The following CAMTA1 variants were observed in gnomAD, a reference collection of about 807,000 sequenced individuals.
The protein encoded by CAMTA1 is calmodulin-binding transcription activator 1.
CAMTA1 carries 27 observed loss-of-function variants against 170.9 expected under a neutral mutation model. The ratio of observed to expected loss-of-function variants is 0.16; its 90% CI spans 0.12 to 0.22. The LOEUF (loss-of-function observed/expected upper bound fraction) is 0.22, where lower values mean the gene tolerates loss of function less well. Ranked by LOEUF, CAMTA1 falls within the 10% of genes least tolerant of loss-of-function variation. The pLI, the probability that CAMTA1 is intolerant of heterozygous loss-of-function variation, is 1.00. For missense variants in CAMTA1, 1,619 were observed against 2,217.2 expected, an observed-to-expected ratio of 0.73 and a Z score of 5.42; for synonymous variants, 833 against 891.5, an observed-to-expected ratio of 0.93 and a Z score of 1.17.
At chr1:6,849,041 CT>C (rs1659400043) in intron 3 of CAMTA1, among the ~76,000 whole-genome samples, 2 of 152,092 alleles carry the variant, frequency 1.3e-5, no homozygotes, top group South Asian at 4.1e-4. Flanking sequence ...TCTTTGAGTT[CT>C]TTTGGGAGGC....
intron 4 of CAMTA1, among the ~76,000 whole-genome samples, chr1:7,176,400 C>A (rs1650837097): frequency 6.6e-6 from 1 of 152,158 alleles, no homozygotes; most frequent in South Asian, 2.1e-4. Context: ...TAACTCCTTC[C>A]ACTTTGGTGT....
intron 3 of CAMTA1, among the ~76,000 whole-genome samples, chr1:7,017,811 G>C (rs1349264673): frequency 6.6e-6 from 1 of 152,136 alleles, no homozygotes; most frequent in Non-Finnish European, 1.5e-5. Flanking sequence ...TCTCATACAC[G>C]GTTCACGTTG....
At chr1:7,307,094 T>C (rs1486288977) in intron 5 of CAMTA1, among the ~76,000 whole-genome samples, 1 of 151,956 alleles carries the variant, frequency 6.6e-6, no homozygotes, top group Non-Finnish European at 1.5e-5. Flanking sequence ...CATATATCTC[T>C]CCATTTATTT....
At chr1:6,958,118 C>T (rs998415050) in intron 3 of CAMTA1, among the ~76,000 whole-genome samples, 2 of 152,164 alleles carry the variant, frequency 1.3e-5, no homozygotes, top group African/African-American at 4.8e-5. Flanking sequence ...GTGGGAGTCT[C>T]CCTGAATGAA....
chr1:6,901,518 CCTTTAAAAA>C (rs957410646), intron 3 of CAMTA1, among the ~76,000 whole-genome samples: 10 of 151,928 alleles, frequency 6.6e-5, no homozygotes, highest in Non-Finnish European at 1.3e-4. Context: ...AACTTTAAAA[CCTTTAAAAA>C]CTTTAAAACA....
At chr1:7,185,268 C>A (rs1208586237) in intron 4 of CAMTA1, among the ~76,000 whole-genome samples, 1 of 152,122 alleles carries the variant, frequency 6.6e-6, no homozygotes, top group African/African-American at 2.4e-5. Context: ...GTAAACCTAC[C>A]ACCCTGATTT....
At chr1:6,975,495 C>T (rs1281041498) in intron 3 of CAMTA1, among the ~76,000 whole-genome samples, 3 of 152,046 alleles carry the variant, frequency 2.0e-5, no homozygotes, top group African/African-American at 4.8e-5. Flanking sequence ...CAAGAATGAA[C>T]GAATGCTACG....
At chr1:7,374,949 G>A (rs949990770) in intron 5 of CAMTA1, among the ~76,000 whole-genome samples, 19 of 152,170 alleles carry the variant, frequency 1.2e-4, no homozygotes, top group African/African-American at 3.1e-4. Flanking sequence ...AATGCTTCTC[G>A]CTTTCAATGG....
chr1:7,276,303 ATTTT>A (rs1180773965), intron 5 of CAMTA1, among the ~76,000 whole-genome samples: 16 of 24,224 alleles, frequency 6.6e-4, no homozygotes, highest in East Asian at 1.5e-3. Context: ...ATATATATAT[ATTTT>A]TTTTTTTTTT....
rs1391969502 is a variant in CAMTA1, at chr1:7,249,328, A to C, written c.303-163A>C. Among the ~76,000 whole-genome samples, 1 of 152,248 alleles carries C rather than the reference A, an allele frequency of 6.6e-6. No individual in the cohort carries two copies. The highest frequency in any genetic ancestry group is 1.5e-5 in the Non-Finnish European group (1 of 68,038). ...AAAGCAAATTTTGGCTGGCCATAAAACATGGTTAATCCAGGGAGATGCAAT... is the reference window on the plus strand; with the variant it reads ...AAAGCAAATTTTGGCTGGCCATAAACCATGGTTAATCCAGGGAGATGCAAT... On this transcript the variant is annotated intron_variant, in intron 4 of 22. Transcript: ENST00000303635. This position sits in a 1 kb window ranked among gnomAD's most constrained non-coding sequence, Gnocchi z 4.4.
At position 7,069,935 on chromosome 1, in the gene CAMTA1, A is replaced by G. The variant is rs573142523; in HGVS notation, c.235-21369A>G. ...GCTGAGACTTATAAAGCCCGGCACCAGCGTGAGGCCATCTTGGTTAATGAG... is the reference window on the plus strand; with the variant it reads ...GCTGAGACTTATAAAGCCCGGCACCGGCGTGAGGCCATCTTGGTTAATGAG... On this transcript the variant is annotated intron_variant, in intron 3 of 22. Transcript: ENST00000303635. Among the ~76,000 whole-genome samples the G allele has an allele frequency of 1.1e-4, 17 of 152,384 alleles. No individual in the cohort carries two copies. The East Asian group carries it at 2.9e-3, about 26-fold the overall frequency.
chr1:6,892,023 G>A (rs567873195), intron 3 of CAMTA1, among the ~76,000 whole-genome samples: 2 of 152,274 alleles, frequency 1.3e-5, no homozygotes, highest in South Asian at 4.1e-4. Context: ...CACATCCTGA[G>A]CACCAGCCCA....
intron 6 of CAMTA1, among the ~76,000 whole-genome samples, chr1:7,625,316 G>A (rs924611953): frequency 3.3e-5 from 5 of 152,364 alleles, no homozygotes; most frequent in South Asian, 4.1e-4. Flanking sequence ...ATGCCTGCCC[G>A]TCTCTCCCCT....
intron 5 of CAMTA1, among the ~76,000 whole-genome samples, chr1:7,305,875 C>T (rs1327356810): frequency 2.0e-5 from 3 of 151,950 alleles, no homozygotes; most frequent in Non-Finnish European, 4.4e-5. Flanking sequence ...ACTGGTATCT[C>T]ATTGTGGTTT....
chr1:7,184,007 A>G (rs1180574773), intron 4 of CAMTA1, among the ~76,000 whole-genome samples: 1 of 152,232 alleles, frequency 6.6e-6, no homozygotes, highest in African/African-American at 2.4e-5. Context: ...TGAATGAATA[A>G]AGAAAACATG....
chr1:7,460,357 C>T lies in CAMTA1; in HGVS notation c.439-7473C>T, dbSNP rs149805310. On this transcript the variant is annotated intron_variant, in intron 5 of 22. Transcript: ENST00000303635. ...CCGGGCTGATCCTGCCCCCTCGGTA[C>T]TCTGCCCTTAGCAACAGGGCTCTTT... Among the ~76,000 whole-genome samples the T allele has an allele frequency of 4.0e-3, 604 of 152,336 alleles. 5 individuals carry two copies. The highest frequency in any genetic ancestry group is 0.013 in the African/African-American group (546 of 41,568).
chr1:6,976,404 G>A (rs1461078586), intron 3 of CAMTA1, among the ~76,000 whole-genome samples: 2 of 152,228 alleles, frequency 1.3e-5, no homozygotes, highest in African/African-American at 4.8e-5. Context: ...AGAAATAGGC[G>A]TTTCCACCTG....
chr1:7,520,379 A>G (rs1363578859), intron 6 of CAMTA1, among the ~76,000 whole-genome samples: 8 of 146,592 alleles, frequency 5.5e-5, no homozygotes, highest in Non-Finnish European at 1.0e-4. Context: ...CGATGTGTGG[A>G]CAGGCGCTGG....
intron 4 of CAMTA1, among the ~76,000 whole-genome samples, chr1:7,231,256 A>C (rs1389681272): frequency 6.6e-6 from 1 of 151,996 alleles, no homozygotes; most frequent in African/African-American, 2.4e-5. Flanking sequence ...AGTCCAGGGA[A>C]GCCAAGCAGG....
Sources: gnomAD v4.1 joint callset for allele counts (sites outside exome capture counted in the v4.1 genomes callset) on GRCh38, gnomAD v4.1.1 for gene constraint, Gnocchi (gnomAD v3.1) non-coding constraint, MANE v1.5 for transcripts, NCBI Gene and HGNC (gene_info 2026-07-23, HGNC 2026-07-21) for gene names.